AOPEP: variants seen among roughly 807,000 people sequenced by gnomAD.
AOPEP encodes aminopeptidase O (putative).
Under a neutral mutation model 98.1 loss-of-function variants are expected in AOPEP, and 77 were observed. That is an observed-to-expected ratio of 0.78 (90% CI 0.65 to 0.95). AOPEP has a LOEUF of 0.95. Ranked by LOEUF, AOPEP falls within the 40% of genes least tolerant of loss-of-function variation. The pLI, the probability that AOPEP is intolerant of heterozygous loss-of-function variation, is 0.00. For synonymous variants in AOPEP, 346 were observed against 365.3 expected (o/e 0.95, Z 0.60); for missense variants, 1,024 against 1,024.7 (o/e 1.00, Z 0.01).
rs545767098 is a variant in AOPEP, at chr9:94,803,496, C to G, written c.1364+2494C>G. ...CGTATCATAGTTTTTATTGAATAAG[C>G]TTAAAAGTCTCCTCTTTGATTCTGT... is the stretch of plus-strand genomic sequence containing the variant. On this transcript the variant is annotated intron_variant, in intron 5 of 16. Transcript: ENST00000375315. Among the ~76,000 whole-genome samples, 22 of 152,242 alleles carry G rather than the reference C, an allele frequency of 1.4e-4. No homozygotes were observed. In the South Asian group the frequency reaches 4.2e-3, roughly 29 times the overall value.
rs532933490 is a variant in AOPEP at position 94,775,558 on chromosome 9, G to A, written c.964+2390G>A. On this transcript the variant is annotated intron_variant, in intron 3 of 16. Coordinates refer to ENST00000375315, the MANE Select transcript of AOPEP (RefSeq NM_001193329.3). Reference sequence around the variant, plus strand: ...ATTTTTGTATTTTTAGTAGAGACAGGGTTTCACCATGTTGGCCAGGATGGT... The same window carrying A: ...ATTTTTGTATTTTTAGTAGAGACAGAGTTTCACCATGTTGGCCAGGATGGT... 9.9e-5 allele frequency among the ~76,000 whole-genome samples: 15 copies of A among 151,976 alleles called. 1 individual carries two copies. In the South Asian group the frequency reaches 2.9e-3, roughly 29 times the overall value.
intron 5 of AOPEP, among the ~76,000 whole-genome samples, chr9:94,807,860 T>A (rs1280850801): frequency 6.6e-6 from 1 of 152,182 alleles, no homozygotes; most frequent in African/African-American, 2.4e-5. Context: ...CTCTGGAAAG[T>A]CCTCAGGCAA....
intron 3 of AOPEP, among the ~76,000 whole-genome samples, chr9:94,789,420 C>T (rs1040514363): frequency 1.3e-5 from 2 of 152,166 alleles, no homozygotes; most frequent in African/African-American, 4.8e-5. Flanking sequence ...GAATGACAGA[C>T]CACAGCCCTT....
intron 1 of AOPEP, among the ~76,000 whole-genome samples, chr9:94,727,779 G>A (rs1360434356): frequency 6.6e-6 from 1 of 152,100 alleles, no homozygotes; most frequent in African/African-American, 2.4e-5. Context: ...CAATATTTGG[G>A]GGACAAAGTA....
intron 1 of AOPEP, among the ~76,000 whole-genome samples, chr9:94,744,818 A>G (rs763862433): frequency 2.0e-5 from 3 of 152,162 alleles, no homozygotes; most frequent in Non-Finnish European, 4.4e-5. Context: ...TGAAAAATAC[A>G]GATACAGTGC....
intron 7 of AOPEP, among the ~76,000 whole-genome samples, chr9:94,948,924 A>G (rs1406893045): frequency 6.6e-6 from 1 of 152,200 alleles, no homozygotes; most frequent in Non-Finnish European, 1.5e-5. Flanking sequence ...CCTTCTTGGC[A>G]GTCATTTTAC....
intron 5 of AOPEP, among the ~76,000 whole-genome samples, chr9:94,902,052 G>T (rs2050482421): frequency 6.6e-6 from 1 of 152,140 alleles, no homozygotes; most frequent in Admixed American, 6.6e-5. Flanking sequence ...AAGAGCCCAG[G>T]TGTCTAGACC....
At chr9:95,100,448 C>T in the AOPEP span, 1 of 231,554 alleles carries the variant, frequency 4.3e-6, no homozygotes, top group East Asian at 6.1e-5. Context: ...TTTGCTCATA[C>T]CTCAAAACGG....
the AOPEP span, chr9:95,127,542 G>C: frequency 6.6e-6 from 1 of 152,396 alleles, no homozygotes; most frequent in Non-Finnish European, 1.5e-5. Context: ...CTCTGACAGG[G>C]GCAGGTGCGG....
intron 13 of AOPEP, among the ~76,000 whole-genome samples, chr9:95,059,395 TCTTAGAA>T (rs1267369513): frequency 6.6e-6 from 1 of 152,186 alleles, no homozygotes; most frequent in Non-Finnish European, 1.5e-5. Flanking sequence ...GTGGGGGCTT[TCTTAGAA>T]CTTAGAAGAG....
chr9:94,995,882 T>C (rs2061190613), intron 11 of AOPEP, among the ~76,000 whole-genome samples: 1 of 152,180 alleles, frequency 6.6e-6, no homozygotes, highest in South Asian at 2.1e-4. Flanking sequence ...ACAAAAGCTG[T>C]GTTATGTACA....
the AOPEP span, among the ~76,000 whole-genome samples, chr9:95,112,390 C>G: frequency 6.6e-6 from 1 of 152,176 alleles, no homozygotes; most frequent in Admixed American, 6.5e-5. Flanking sequence ...CTGCATGTTC[C>G]TCTGCCTGGC....
rs759307816 is a variant in AOPEP at position 94,825,759 on chromosome 9, C to T, written c.1364+24757C>T. ...GGGACTATAATTACAGGGCGCCCAT[C>T]GGCATGGTTAAAGTTAAGGTTGTTT... On this transcript the variant is annotated intron_variant, in intron 5 of 16. Coordinates refer to ENST00000375315, the MANE Select transcript of AOPEP (RefSeq NM_001193329.3). 6.6e-5 allele frequency among the ~76,000 whole-genome samples: 10 copies of T among 152,158 alleles called. 1 individual carries two copies. The highest frequency in any genetic ancestry group is 1.0e-4 in the Non-Finnish European group (7 of 68,030).
the AOPEP span, chr9:95,145,584 TAAC>T: frequency 3.0e-4 from 45 of 152,272 alleles, no homozygotes; most frequent in Middle Eastern, 6.8e-3. Flanking sequence ...AACAAACTAA[TAAC>T]AACCCTAGTA....
At chr9:94,821,766 A>G (rs115324218) in intron 5 of AOPEP, among the ~76,000 whole-genome samples, 3,329 of 152,138 alleles carry the variant, frequency 0.022, 127 homozygotes, top group African/African-American at 0.076. Flanking sequence ...TAACTAATCT[A>G]TTTTTTCTTT....
At chr9:94,832,994 C>T (rs982327677) in intron 5 of AOPEP, among the ~76,000 whole-genome samples, 2 of 149,300 alleles carry the variant, frequency 1.3e-5, no homozygotes, top group African/African-American at 5.0e-5. Context: ...AGTGCAGTGG[C>T]ACATGATCTC....
intron 13 of AOPEP, among the ~76,000 whole-genome samples, chr9:95,017,373 C>T (rs1217970581): frequency 2.6e-5 from 4 of 152,198 alleles, no homozygotes; most frequent in Non-Finnish European, 5.9e-5. Flanking sequence ...CAACATGTTA[C>T]TGTACTGAAT....
chr9:95,046,761 G>A (rs1192817703), intron 13 of AOPEP, among the ~76,000 whole-genome samples: 3 of 152,058 alleles, frequency 2.0e-5, no homozygotes, highest in African/African-American at 7.2e-5. Flanking sequence ...CAAGTGTTTG[G>A]GAGTCATTTC....
intron 5 of AOPEP, among the ~76,000 whole-genome samples, chr9:94,875,357 A>AAAAAAAAAAAAAG (rs1564302007): frequency 3.4e-5 from 5 of 147,562 alleles, no homozygotes; most frequent in African/African-American, 1.3e-4. Flanking sequence ...GAAAAAAAAA[A>AAAAAAAAAAAAAG]AAAAAAAAAA....
Sources: allele counts gnomAD v4.1 joint callset (sites outside exome capture counted in the v4.1 genomes callset), GRCh38; gene constraint gnomAD v4.1.1; transcripts MANE v1.5; gene names NCBI Gene and HGNC (gene_info 2026-07-23, HGNC 2026-07-21).